The following SEMA3A variants were observed in gnomAD, a reference collection of about 807,000 sequenced individuals.
The protein encoded by SEMA3A is semaphorin-3A.
Under a neutral mutation model 97.9 loss-of-function variants are expected in SEMA3A, and 29 were observed. The observed-to-expected ratio is 0.30, with a 90% CI of 0.22 to 0.40. The LOEUF is 0.40. SEMA3A is among the 10% of genes least tolerant of loss of function. SEMA3A has a pLI of 1.00. For missense variants in SEMA3A, 763 were observed against 951.3 expected (o/e 0.80, Z 2.60); for synonymous variants, 321 against 323.7 (o/e 0.99, Z 0.09).
chr7:84,089,173 C>T (rs561321057), intron 4 of SEMA3A, among the ~76,000 whole-genome samples: 3 of 152,206 alleles, frequency 2.0e-5, no homozygotes, highest in African/African-American at 7.2e-5. Flanking sequence ...CAAAATACTT[C>T]CCTTTAAAGA....
At position 84,440,832 on chromosome 7, in the gene SEMA3A, C is replaced by T. The variant is rs531351712; in HGVS notation, c.-246+51628G>A. Among the ~76,000 whole-genome samples the T allele has an allele frequency of 1.2e-4, 18 of 152,210 alleles. No individual in the cohort carries two copies. The South Asian group carries it at 1.5e-3, about 12-fold the overall frequency. On this transcript the variant is annotated intron_variant, in intron 1 of 3. Coordinates refer to the SEMA3A transcript ENST00000424555. The stretch of plus-strand genomic sequence containing the variant: ...TCCAGTTTTCAACAAAAATTCACAA[C>T]GCACACAAAGAAACAGGAAAGTATG...
At chr7:84,342,898 T>C (rs1370134996) in intron 2 of SEMA3A, among the ~76,000 whole-genome samples, 1 of 152,164 alleles carries the variant, frequency 6.6e-6, no homozygotes, top group Non-Finnish European at 1.5e-5. Flanking sequence ...GTGCAAACTA[T>C]GTGAGCAAAA....
intron 15 of SEMA3A, among the ~76,000 whole-genome samples, chr7:83,967,558 C>T (rs62473897): frequency 0.099 from 15,095 of 152,128 alleles, 916 homozygotes; most frequent in Non-Finnish European, 0.14. Context: ...GGTTCAAGAA[C>T]GGCCTGGCCA....
intron 2 of SEMA3A, among the ~76,000 whole-genome samples, chr7:84,322,044 G>A (rs1423042982): frequency 6.6e-6 from 1 of 151,776 alleles, no homozygotes. Context: ...CAGGGTGGCA[G>A]GATGGAGAAT....
intron 1 of SEMA3A, among the ~76,000 whole-genome samples, chr7:84,136,418 T>C (rs34018474): frequency 0.22 from 33,286 of 152,018 alleles, 3,721 homozygotes; most frequent in South Asian, 0.26. Flanking sequence ...CAGGTCACTA[T>C]CATTTAAATT....
chr7:83,995,181 A>G (rs993282304), intron 12 of SEMA3A, among the ~76,000 whole-genome samples: 1 of 152,046 alleles, frequency 6.6e-6, no homozygotes, highest in African/African-American at 2.4e-5. Context: ...CGGCTCGCGC[A>G]CGGTGCGCTC....
intron 4 of SEMA3A, among the ~76,000 whole-genome samples, chr7:84,083,352 T>A (rs79333962): frequency 6.6e-6 from 1 of 151,940 alleles, no homozygotes; most frequent in Admixed American, 6.6e-5. Context: ...GTGGGGTAAA[T>A]GTGATGTTTT....
intron 6 of SEMA3A, among the ~76,000 whole-genome samples, chr7:84,024,151 C>T (rs1791453108): frequency 1.3e-5 from 2 of 152,104 alleles, no homozygotes; most frequent in Admixed American, 1.3e-4. Flanking sequence ...CAAGTATTTC[C>T]TTCACTGTAC....
intron 2 of SEMA3A, among the ~76,000 whole-genome samples, chr7:84,340,488 G>A (rs2115984319): frequency 6.6e-6 from 1 of 152,082 alleles, no homozygotes; most frequent in Admixed American, 6.5e-5. Context: ...TGATGAAAAT[G>A]CATCAAAAGC....
chr7:84,383,237 C>A (rs1167014890), intron 1 of SEMA3A, among the ~76,000 whole-genome samples: 1 of 151,950 alleles, frequency 6.6e-6, no homozygotes, highest in East Asian at 1.9e-4. Context: ...ATAGAGTGTA[C>A]TAAGCCAATG....
intron 2 of SEMA3A, among the ~76,000 whole-genome samples, chr7:84,309,032 G>T (rs954748504): frequency 8.6e-5 from 13 of 151,956 alleles, no homozygotes; most frequent in African/African-American, 3.1e-4. Context: ...TGGCCATGCT[G>T]GTCTTGAACT....
chr7:83,995,341 C>A (rs1790169015), intron 12 of SEMA3A, among the ~76,000 whole-genome samples: 1 of 151,976 alleles, frequency 6.6e-6, no homozygotes, highest in African/African-American at 2.4e-5. Flanking sequence ...GGCTCCTCCC[C>A]CCAATAAAAA....
At chr7:84,392,369 T>C (rs1803602385) in intron 1 of SEMA3A, among the ~76,000 whole-genome samples, 1 of 152,314 alleles carries the variant, frequency 6.6e-6, no homozygotes, top group East Asian at 1.9e-4. Flanking sequence ...GTTCTGCAAT[T>C]CTATTCATGT....
chr7:84,202,640 C>T (rs1682566867), intron 3 of SEMA3A, among the ~76,000 whole-genome samples: 1 of 152,102 alleles, frequency 6.6e-6, no homozygotes, highest in African/African-American at 2.4e-5. Flanking sequence ...CTTTCTCTAC[C>T]CTCAAAACTG....
In SEMA3A at chr7:84,313,427, AAG is replaced by A. The variant is rs756499482; in HGVS notation, c.-168-6137_-168-6136del. Among the ~76,000 whole-genome samples, 333 of 137,100 alleles carry A rather than the reference AAG, an allele frequency of 2.4e-3. 2 individuals are homozygous for A. Among genetic ancestry groups the A allele is most frequent in the Middle Eastern group, 0.012 (3 of 250 alleles). The allele number at this position is 137,100 out of a possible 152,430, so 89.9% of individuals were successfully genotyped here. On this transcript the variant is annotated intron_variant, in intron 2 of 3. Transcript: ENST00000424555. The stretch of plus-strand genomic sequence containing the variant: ...ATATAAACTATACGTGACTCCTGAT[AAG>A]AGAGTCTTTCTTGGCTACAGTTATG...
intron 4 of SEMA3A, among the ~76,000 whole-genome samples, chr7:84,091,122 A>G (rs376369073): frequency 1.5e-4 from 8 of 54,710 alleles, no homozygotes; most frequent in East Asian, 5.6e-4. Context: ...AAGAAAGAAA[A>G]AGAAAGAAAG....
rs1169600031 is a variant in SEMA3A at position 84,270,514 on chromosome 7, C to A, written c.-83+36693G>T. Among the ~76,000 whole-genome samples the A allele has an allele frequency of 3.4e-5, 5 of 148,736 alleles. 1 individual carries two copies. The highest frequency in any genetic ancestry group is 1.2e-4 in the African/African-American group (5 of 40,838). On this transcript the variant is annotated intron_variant, in intron 3 of 3. Coordinates refer to the SEMA3A transcript ENST00000424555. ...TTTTTCTTTCTTTCTCTCTCTCTCTCTCTATATGCATATATATGAATAATA... is the reference window on the plus strand; with the variant it reads ...TTTTTCTTTCTTTCTCTCTCTCTCTATCTATATGCATATATATGAATAATA...
chr7:84,166,688 T>C (rs1238634766), intron 1 of SEMA3A, among the ~76,000 whole-genome samples: 1 of 151,300 alleles, frequency 6.6e-6, no homozygotes, highest in Non-Finnish European at 1.5e-5. Context: ...CTCGCCAAGA[T>C]GGTGAAACCC....
At chr7:84,477,073 A>AAAAAT (rs372931949) in intron 1 of SEMA3A, among the ~76,000 whole-genome samples, 18 of 140,572 alleles carry the variant, frequency 1.3e-4, no homozygotes, top group African/African-American at 3.7e-4. Context: ...AAAAAAAAAA[A>AAAAAT]ATATATATAT....
Sources: allele counts gnomAD v4.1 joint callset (sites outside exome capture counted in the v4.1 genomes callset), GRCh38; gene constraint gnomAD v4.1.1; transcripts MANE v1.5; gene names NCBI Gene and HGNC (gene_info 2026-07-23, HGNC 2026-07-21).